The following PRKG1 variants were observed in gnomAD, a reference collection of about 807,000 sequenced individuals.
PRKG1 encodes the protein protein kinase cGMP-dependent 1, also known as cGMP-dependent protein kinase 1.
In PRKG1, 35 loss-of-function variants were observed where a neutral mutation model predicts 88.1. The observed-to-expected ratio is 0.40, with a 90% CI of 0.30 to 0.53. PRKG1 has a LOEUF of 0.53. PRKG1 is among the 20% of genes least tolerant of loss of function. PRKG1 has a pLI of 0.59. For missense variants in PRKG1, 540 were observed against 839.8 expected, an observed-to-expected ratio of 0.64 and a Z score of 4.41; for synonymous variants, 303 against 292.5, an observed-to-expected ratio of 1.04 and a Z score of -0.37.
chr10:52,068,263 A>G (rs1846409369), intron 7 of PRKG1, among the ~76,000 whole-genome samples: 1 of 151,966 alleles, frequency 6.6e-6, no homozygotes, highest in Non-Finnish European at 1.5e-5. Flanking sequence ...TGGAATACAT[A>G]TAAACATCAG....
chr10:51,192,927 C>A (rs1837667591), intron 2 of PRKG1, among the ~76,000 whole-genome samples: 1 of 151,922 alleles, frequency 6.6e-6, no homozygotes, highest in Non-Finnish European at 1.5e-5. Flanking sequence ...AAAATCTGGT[C>A]TCTACCAATT....
chr10:51,301,256 C>T (rs1201551109), intron 2 of PRKG1, among the ~76,000 whole-genome samples: 1 of 152,022 alleles, frequency 6.6e-6, no homozygotes, highest in African/African-American at 2.4e-5. Flanking sequence ...TTAATATTGG[C>T]TGAAGGGTAT....
intron 4 of PRKG1, among the ~76,000 whole-genome samples, chr10:51,873,642 C>T (rs1841215439): frequency 6.6e-6 from 1 of 151,684 alleles, no homozygotes. Context: ...ATTCTCTCAC[C>T]TCAGCCTCCC....
At position 52,138,682 on chromosome 10, in the gene PRKG1, A is replaced by G. The variant is rs149766364; in HGVS notation, c.1001+4777A>G. On this transcript the variant is annotated intron_variant, in intron 8 of 17. Coordinates refer to ENST00000373980, the MANE Select transcript of PRKG1 (RefSeq NM_006258.4). ...ACAGTCTAGGAAGTAGAGACCAAGA[A>G]CTAGCCCAGAGTAAATGCAGTGTGA... Among the ~76,000 whole-genome samples the G allele has an allele frequency of 1.9e-3, 286 of 152,220 alleles. 2 individuals carry two copies. The highest frequency in any genetic ancestry group is 6.7e-3 in the African/African-American group (278 of 41,552).
chr10:52,291,702 G>A (rs890590859), intron 17 of PRKG1, among the ~76,000 whole-genome samples: 23 of 151,960 alleles, frequency 1.5e-4, no homozygotes, highest in African/African-American at 3.9e-4. Context: ...GAATAGTGCC[G>A]CAATAAACAT....
intron 3 of PRKG1, among the ~76,000 whole-genome samples, chr10:51,684,099 T>C (rs1253508809): frequency 6.6e-6 from 1 of 152,172 alleles, no homozygotes; most frequent in Non-Finnish European, 1.5e-5. Context: ...CATAATAGCC[T>C]GAATGAAAAC....
intron 2 of PRKG1, among the ~76,000 whole-genome samples, chr10:51,189,874 G>T (rs1837586758): frequency 1.3e-5 from 2 of 151,926 alleles, no homozygotes; most frequent in South Asian, 4.1e-4. Context: ...AAATGACTCT[G>T]TAAGGGTGGC....
intron 6 of PRKG1, among the ~76,000 whole-genome samples, chr10:52,061,668 A>T (rs1020285556): frequency 6.6e-6 from 1 of 152,152 alleles, no homozygotes; most frequent in Non-Finnish European, 1.5e-5. Flanking sequence ...AGTGCTTATT[A>T]TAATTTGTGG....
chr10:51,137,013 T>C (rs1411041268), intron 1 of PRKG1, among the ~76,000 whole-genome samples: 2 of 152,060 alleles, frequency 1.3e-5, no homozygotes, highest in East Asian at 3.9e-4. Flanking sequence ...GCCTACCCAG[T>C]AGCTGGGACT....
intron 3 of PRKG1, among the ~76,000 whole-genome samples, chr10:51,670,080 T>C (rs1840519883): frequency 6.6e-6 from 1 of 152,190 alleles, no homozygotes; most frequent in African/African-American, 2.4e-5. Context: ...AAACTTGCTA[T>C]ATCTTATTTG....
chr10:51,153,685 T>C (rs1435800630), intron 2 of PRKG1, among the ~76,000 whole-genome samples: 2 of 152,038 alleles, frequency 1.3e-5, no homozygotes, highest in Admixed American at 6.6e-5. Context: ...TTTTGGCCGA[T>C]AATTTAAGCA....
At chr10:51,216,091 A>C (rs1000083116) in intron 2 of PRKG1, among the ~76,000 whole-genome samples, 23 of 152,218 alleles carry the variant, frequency 1.5e-4, no homozygotes, top group African/African-American at 5.5e-4. Flanking sequence ...GAGTGCTTGC[A>C]GGACTTGGTA....
chr10:51,206,218 G>A (rs1838055249), intron 2 of PRKG1, among the ~76,000 whole-genome samples: 2 of 151,964 alleles, frequency 1.3e-5, no homozygotes, highest in Admixed American at 1.3e-4. Context: ...CCGGCTGGGC[G>A]CGGTGGTTCA....
intron 5 of PRKG1, among the ~76,000 whole-genome samples, chr10:51,944,157 T>C (rs1156277334): frequency 6.6e-6 from 1 of 152,160 alleles, no homozygotes; most frequent in South Asian, 2.1e-4. Context: ...ATTCAGAGAG[T>C]CAACTTCTTC....
At position 51,074,576 on chromosome 10, in the gene PRKG1, G is replaced by A. The variant is rs1843897624; in HGVS notation, c.-15G>A. On this transcript the variant is annotated 5_prime_UTR_variant, in exon 1 of 18. Transcript: ENST00000373980. ...GAGCAGCGGCAGGAAGGAGCCCCCG[G>A]CAGCCCGGAGGAGCATGGGCACCTT... is the stretch of plus-strand genomic sequence containing the variant. 6 of 1,598,822 alleles carry A rather than the reference G, an allele frequency of 3.8e-6. No homozygotes were observed. Among genetic ancestry groups the A allele is most frequent in the Non-Finnish European group, 5.1e-6 (6 of 1,169,126 alleles).
chr10:51,628,731 G>C (rs1026249863), intron 3 of PRKG1, among the ~76,000 whole-genome samples: 1 of 150,974 alleles, frequency 6.6e-6, no homozygotes, highest in African/African-American at 2.4e-5. Context: ...AGGCCGAGGC[G>C]GGTGGATCAT....
intron 4 of PRKG1, among the ~76,000 whole-genome samples, chr10:51,823,365 G>T (rs574387968): frequency 6.6e-6 from 1 of 152,200 alleles, no homozygotes; most frequent in Admixed American, 6.5e-5. Context: ...CATTGCTTCT[G>T]TATGGCATAT....
chr10:51,961,616 C>G (rs1843449861), intron 5 of PRKG1, among the ~76,000 whole-genome samples: 2 of 152,292 alleles, frequency 1.3e-5, no homozygotes, highest in Non-Finnish European at 2.9e-5. Flanking sequence ...CTTCTATGCT[C>G]TTTGAATAAA....
intron 5 of PRKG1, among the ~76,000 whole-genome samples, chr10:51,969,591 T>C (rs1843653954): frequency 1.3e-5 from 2 of 151,758 alleles, no homozygotes; most frequent in Admixed American, 6.6e-5. Context: ...TATAGAAAAA[T>C]AGCAAAAAGT....
Sources: gnomAD v4.1 joint callset for allele counts (sites outside exome capture counted in the v4.1 genomes callset) on GRCh38, gnomAD v4.1.1 for gene constraint, MANE v1.5 for transcripts, NCBI Gene and HGNC (gene_info 2026-07-23, HGNC 2026-07-21) for gene names.